The following PEG3 variants were observed in gnomAD, a reference collection of about 807,000 sequenced individuals.
PEG3 encodes the protein paternally expressed 3.
PEG3 carries 23 observed loss-of-function variants against 35.5 expected under a neutral mutation model. The ratio of observed to expected loss-of-function variants is 0.65; its 90% CI spans 0.47 to 0.92. The LOEUF (loss-of-function observed/expected upper bound fraction) is 0.92, where lower values mean the gene tolerates loss of function less well. PEG3 is among the 40% of genes least tolerant of loss of function. The pLI, the probability that PEG3 is intolerant of heterozygous loss-of-function variation, is 0.00. For missense variants in PEG3, 1,960 were observed against 1,985.3 expected (o/e 0.99, Z 0.24); for synonymous variants, 707 against 697.0 (o/e 1.01, Z -0.23).
In PEG3 at chr19:56,814,082, C is replaced by G. The variant is rs1293681257; in HGVS notation, c.4360G>C (p.Asp1454His). ...EQPNGDADEPDGAGIEDPEER... is the reference protein window; with the variant it reads ...EQPNGDADEPHGAGIEDPEER... ...TCTGGGTCTTCAATACCTGCACCAT[C>G]TGGCTCATCAGCATCCCCATTTGGC... is the stretch of plus-strand genomic sequence containing the variant. Residue 1454 changes from aspartate (D) to histidine (H), a missense_variant, in exon 10 of 10, where the codon GAT (aspartate) becomes CAT (histidine). Asp to His is a moderately conservative substitution (Grantham distance 81). Transcript: ENST00000326441. The surrounding 1 kb of genome is among the most constrained non-coding windows in gnomAD (Gnocchi z 5.8). 1.2e-6 allele frequency: 2 copies of G among 1,614,176 alleles called. No individual in the cohort carries two copies. The highest frequency in any genetic ancestry group is 1.3e-5 in the African/African-American group (1 of 75,050).
At chr19:56,840,092 G>A (rs1217146731) in intron 1 of PEG3, among the ~76,000 whole-genome samples, 1 of 152,218 alleles carries the variant, frequency 6.6e-6, no homozygotes, top group African/African-American at 2.4e-5. Flanking sequence ...CCGCAGGAAG[G>A]GGCATTTTCG....
chr19:56,814,994 T>C lies in PEG3; in HGVS notation c.3448A>G (p.Ile1150Val). ...YTHSVIHTHS[I>V]SEYQRDYTGE... ...GTGTAATCTCTCTGATACTCGCTGA[T>C]GGAATGGGTGTGAATTACAGAATGT... The change falls in exon 10 of 10, where the codon ATC becomes GTC. Residue 1150 changes from isoleucine to valine, a missense_variant. By Grantham distance (29) the Ile-to-Val change is conservative (BLOSUM62 3). Coordinates refer to ENST00000326441, the MANE Select transcript of PEG3 (RefSeq NM_006210.3). The surrounding 1 kb of genome is among the most constrained non-coding windows in gnomAD (Gnocchi z 5.8). The C allele has an allele frequency of 6.2e-7, 1 of 1,614,176 alleles. No homozygotes were observed. The highest frequency in any genetic ancestry group is 8.5e-7 in the Non-Finnish European group (1 of 1,180,032).
chr19:56,828,135 C>T (rs558987591), intron 2 of PEG3, among the ~76,000 whole-genome samples: 8 of 152,212 alleles, frequency 5.3e-5, no homozygotes, highest in South Asian at 2.1e-4. Flanking sequence ...TGCAGGCAGC[C>T]GTAACATCTT....
In PEG3 at chr19:56,816,220, A is replaced by C. The variant is rs1301087454; in HGVS notation, c.2222T>G (p.Leu741Arg). ...CGCCTTTTCGTCCTCATCACTTTCAAGAGGTCTTGTTATAGTATGACTCTT... is the reference window on the plus strand; with the variant it reads ...CGCCTTTTCGTCCTCATCACTTTCACGAGGTCTTGTTATAGTATGACTCTT... ...SQKSHTITRP[L>R]ESDEDEKAFT... The change falls in exon 10 of 10, where the codon CTT (leucine) becomes CGT (arginine). Residue 741 changes from leucine (L) to arginine (R), a missense_variant. Around this residue, in one of 5 missense-constraint regions of PEG3, gnomAD observed 798 missense variants for 782.4 expected, o/e 1.02. Coordinates refer to ENST00000326441, the MANE Select transcript of PEG3 (RefSeq NM_006210.3). 6.2e-7 allele frequency: 1 copy of C among 1,614,120 alleles called. No individual in the cohort carries two copies.
At chr19:56,837,957 A>G (rs917414673) in intron 1 of PEG3, among the ~76,000 whole-genome samples, 1 of 152,196 alleles carries the variant, frequency 6.6e-6, no homozygotes, top group Non-Finnish European at 1.5e-5. Context: ...GCTCTATCAG[A>G]CAAGACACAC....
chr19:56,828,876 T>C (rs995038177), intron 2 of PEG3, among the ~76,000 whole-genome samples: 1 of 152,000 alleles, frequency 6.6e-6, no homozygotes, highest in Non-Finnish European at 1.5e-5. Context: ...AAGATGAAAA[T>C]TGATGCTAGT....
Position 56,814,489 on chromosome 19 carries a change from G to T in PEG3, c.3953C>A (p.Thr1318Asn). The change falls in exon 10 of 10, where the codon ACC becomes AAC. Residue 1318 changes from threonine (T) to asparagine (N), a missense_variant. Physicochemically the swap from Thr to Asn is moderately conservative, Grantham distance 65 (BLOSUM62 0). Around this residue, in one of 5 missense-constraint regions of PEG3, gnomAD observed 416 missense variants for 416.7 expected, o/e 1.00. Coordinates refer to ENST00000326441, the MANE Select transcript of PEG3 (RefSeq NM_006210.3). The surrounding 1 kb of genome is among the most constrained non-coding windows in gnomAD (Gnocchi z 5.8). ...PYEYGSSYTH[T>N]SFLTEPLKGA... Reference sequence around the variant, plus strand: ...TTTGAGGGGCTCAGTAAGAAATGAGGTGTGAGTATAGGAGGACCCGTACTC... The same window carrying T: ...TTTGAGGGGCTCAGTAAGAAATGAGTTGTGAGTATAGGAGGACCCGTACTC... 3 of 1,613,082 alleles carry T rather than the reference G, an allele frequency of 1.9e-6. No homozygotes were observed. The highest frequency in any genetic ancestry group is 2.5e-6 in the Non-Finnish European group (3 of 1,179,034).
rs761354466 is a variant in PEG3, at chr19:56,816,081, A to C, written c.2361T>G (p.Ala787=). The change falls in exon 10 of 10, where the codon GCT becomes GCG. Residue 787 remains alanine (A), a synonymous_variant. Transcript: ENST00000326441. ...GCCCTGCTACACTGTGACTTTTCTG[A>C]GCTTCCACAGAGGCTAAGCTATGAA... ...SVIHSLASVE[A]QKSHSVAGPS... The C allele has an allele frequency of 2.5e-6, 4 of 1,603,456 alleles. No homozygotes were observed. In the South Asian group the frequency reaches 4.5e-5, roughly 18 times the overall value.
In PEG3 at chr19:56,812,415, A is replaced by G. The variant is rs1364049569; in HGVS notation, c.*1260T>C. ...CATGTTAAGCTTGGGTTGACTGTAAAGAATTTTTTTTTTTTTAATGCAAGT... is the reference window on the plus strand; with the variant it reads ...CATGTTAAGCTTGGGTTGACTGTAAGGAATTTTTTTTTTTTTAATGCAAGT... On this transcript the variant is annotated 3_prime_UTR_variant, in exon 10 of 10. Coordinates refer to ENST00000326441, the MANE Select transcript of PEG3 (RefSeq NM_006210.3). 4 of 979,756 alleles carry G rather than the reference A, an allele frequency of 4.1e-6. No individual in the cohort carries two copies. The highest frequency in any genetic ancestry group is 4.8e-6 in the Non-Finnish European group (4 of 826,784). The allele number at this position is 979,756 out of a possible 1,614,324, so 60.7% of individuals were successfully genotyped here. A position where few individuals can be genotyped will look rare whatever the true frequency, so the allele number is the denominator to read the frequency against.
chr19:56,814,874 A>G lies in PEG3; in HGVS notation c.3568T>C (p.Leu1190=), dbSNP rs889637595. 2.4e-5 allele frequency: 39 copies of G among 1,614,030 alleles called. No homozygotes were observed. Among genetic ancestry groups the G allele is most frequent in the Non-Finnish European group, 3.1e-5 (37 of 1,180,040 alleles). ...EHQRIHEQDQ[L]YSMKGCDDGF... ...TCATCACACCCCTTCATGGAATACA[A>G]CTGGTCTTGTTCATGGATTCTCTGA... is the stretch of plus-strand genomic sequence containing the variant. The change falls in exon 10 of 10, where the codon TTG becomes CTG. Residue 1190 remains leucine, a synonymous_variant. Coordinates refer to ENST00000326441, the MANE Select transcript of PEG3 (RefSeq NM_006210.3). The surrounding 1 kb of genome is among the most constrained non-coding windows in gnomAD (Gnocchi z 5.8).
In PEG3 at chr19:56,814,398, A is replaced by G. The variant is rs1423021973; in HGVS notation, c.4044T>C (p.Thr1348=). Residue 1348 remains threonine (T), a synonymous_variant, in exon 10 of 10, where the codon ACT becomes ACC. Transcript: ENST00000326441. This position sits in a 1 kb window ranked among gnomAD's most constrained non-coding sequence, Gnocchi z 5.8. ...CTTCCAGATGAAGCTCCTTATGTTTAGTGAGGACTGTGCTATGAATAAAGG... is the reference window on the plus strand; with the variant it reads ...CTTCCAGATGAAGCTCCTTATGTTTGGTGAGGACTGTGCTATGAATAAAGG... ...GKSFIHSTVL[T]KHKELHLEEE... is the part of the protein sequence containing the mutation. The G allele has an allele frequency of 6.2e-7, 1 of 1,613,822 alleles. No individual in the cohort carries two copies. Among genetic ancestry groups the G allele is most frequent in the South Asian group, 1.1e-5 (1 of 91,070 alleles).
At chr19:56,833,270 C>T (rs1186489817) in intron 2 of PEG3, 1 of 459,490 alleles carries the variant, frequency 2.2e-6, no homozygotes, top group Non-Finnish European at 4.4e-6. Context: ...AGATTCAGCC[C>T]CCTAACTCGT....
intron 2 of PEG3, among the ~76,000 whole-genome samples, chr19:56,835,318 A>T (rs1238968873): frequency 6.6e-6 from 1 of 152,214 alleles, no homozygotes; most frequent in Non-Finnish European, 1.5e-5. Flanking sequence ...GTCTTTTCAC[A>T]ATGAAACCAC....
At position 56,813,596 on chromosome 19, in the gene PEG3, C is replaced by G. The variant is rs1006037218; in HGVS notation, c.*79G>C. The G allele has an allele frequency of 1.9e-5, 28 of 1,509,372 alleles. No individual in the cohort carries two copies. In the Admixed American group the frequency reaches 5.9e-4, roughly 32 times the overall value. 93.5% of individuals were successfully genotyped at this position (1,509,372 alleles called of 1,614,324 possible). A position where few individuals can be genotyped will look rare whatever the true frequency, so the allele number is the denominator to read the frequency against. ...AGGTTAAGTCTCCTACTGACATTAT[C>G]ATGGATTGGTTTGGATTCTCTGTGG... On this transcript the variant is annotated 3_prime_UTR_variant, in exon 10 of 10. Transcript: ENST00000326441.
At chr19:56,819,578 T>C (rs2060285955) in intron 7 of PEG3, among the ~76,000 whole-genome samples, 1 of 152,160 alleles carries the variant, frequency 6.6e-6, no homozygotes, top group South Asian at 2.1e-4. Context: ...GCTTTGGAGC[T>C]GGACAGAGAT....
At chr19:56,822,469 G>T in intron 6 of PEG3, 1 of 370,650 alleles carries the variant, frequency 2.7e-6, no homozygotes. Flanking sequence ...TTTTGCAGTG[G>T]CATAGTCTTT....
chr19:56,836,229 T>C (rs1458746796), intron 1 of PEG3, 125 bp from the exon 2 acceptor site: 1 of 362,522 alleles, frequency 2.8e-6, no homozygotes, highest in Admixed American at 3.3e-5. Context: ...AATGAGACCA[T>C]GAAAAGCATC....
At position 56,836,084 on chromosome 19, in the gene PEG3, CG is replaced by C. The variant is rs750889338; in HGVS notation, c.-230del. 25 of 496,686 alleles carry C rather than the reference CG, an allele frequency of 5.0e-5. No homozygotes were observed. Among genetic ancestry groups the C allele is most frequent in the South Asian group, 3.7e-4 (25 of 67,612 alleles). 30.8% of individuals were successfully genotyped at this position (496,686 alleles called of 1,614,324 possible). A position where few individuals can be genotyped will look rare whatever the true frequency, so the allele number is the denominator to read the frequency against. On this transcript the variant is annotated 5_prime_UTR_variant, in exon 2 of 10. Transcript: ENST00000326441. ...TCTCGCCAGTCGTCTCCAAGAAGGA[CG>C]GAAGATCAAGAAGGCAAAGCTGTAG...
intron 5 of PEG3, 41 bp from the exon 6 acceptor site, chr19:56,822,877 G>A (rs1222929828): frequency 1.9e-6 from 3 of 1,596,434 alleles, no homozygotes; most frequent in Middle Eastern, 1.6e-4. Flanking sequence ...AAAGCTCTTT[G>A]ACACACCTGT....
Sources: allele counts gnomAD v4.1 joint callset (sites outside exome capture counted in the v4.1 genomes callset), GRCh38; gene constraint gnomAD v4.1.1; regional missense constraint gnomAD v4.1.1; non-coding constraint Gnocchi (gnomAD v3.1); transcripts MANE v1.5; gene names NCBI Gene and HGNC (gene_info 2026-07-23, HGNC 2026-07-21).